HLF: variants seen among roughly 807,000 people sequenced by gnomAD.
HLF encodes HLF transcription factor, PAR bZIP family member.
Under a neutral mutation model 22.6 loss-of-function variants are expected in HLF, and 3 were observed. The observed-to-expected ratio is 0.13, with a 90% confidence interval of 0.06 to 0.34. The LOEUF (loss-of-function observed/expected upper bound fraction) is 0.34, where lower values mean the gene tolerates loss of function less well. Ranked by LOEUF, HLF falls within the 10% of genes least tolerant of loss-of-function variation. HLF has a pLI of 1.00. For missense variants in HLF, 299 were observed against 389.2 expected (o/e 0.77, Z 1.95); for synonymous variants, 151 against 151.8 (o/e 0.99, Z 0.04).
At chr17:55,313,352 G>GT (rs902094405) in intron 2 of HLF, among the ~76,000 whole-genome samples, 2 of 115,574 alleles carry the variant, frequency 1.7e-5, no homozygotes, top group African/African-American at 7.2e-5. Context: ...AGAGGAGGAG[G>GT]TGTGTGCGTG....
intron 2 of HLF, among the ~76,000 whole-genome samples, chr17:55,274,605 A>G (rs1403496167): frequency 1.3e-5 from 2 of 152,244 alleles, no homozygotes; most frequent in Non-Finnish European, 2.9e-5. Flanking sequence ...ACAGAATTGA[A>G]TAAACAAAAC....
intron 2 of HLF, among the ~76,000 whole-genome samples, chr17:55,291,808 C>T (rs946643681): frequency 6.6e-6 from 1 of 152,198 alleles, no homozygotes; most frequent in Non-Finnish European, 1.5e-5. Context: ...CCGTTAAAAA[C>T]ATTCATGATT....
chr17:55,287,467 C>T (rs540149394), intron 2 of HLF, among the ~76,000 whole-genome samples: 110 of 152,156 alleles, frequency 7.2e-4, no homozygotes, highest in Non-Finnish European at 1.4e-3. Context: ...CATAACAACA[C>T]CATAAGGCAT....
intron 2 of HLF, among the ~76,000 whole-genome samples, chr17:55,295,345 C>T (rs1162733035): frequency 2.0e-5 from 3 of 152,140 alleles, no homozygotes; most frequent in African/African-American, 4.8e-5. Flanking sequence ...ACCAGTAATT[C>T]ACAGGAAATG....
Position 55,323,035 on chromosome 17 carries a change from G to T in HLF, c.*2156G>T. On this transcript the variant is annotated 3_prime_UTR_variant, in exon 4 of 4. Transcript: ENST00000226067. ...AGAGTATCTAATCCTTTAATGATCT[G>T]GTGGTCTCCTCGTCAATCCATCAGC... The T allele has an allele frequency of 4.5e-6, 1 of 220,790 alleles. No individual in the cohort carries two copies. The highest frequency in any genetic ancestry group is 9.1e-6 in the Non-Finnish European group (1 of 110,256). The allele number at this position is 220,790 out of a possible 1,614,324, so 13.7% of individuals were successfully genotyped here. A position where few individuals can be genotyped will look rare whatever the true frequency, so the allele number is the denominator to read the frequency against.
intron 2 of HLF, among the ~76,000 whole-genome samples, chr17:55,279,758 A>T (rs1011155679): frequency 2.6e-5 from 4 of 152,168 alleles, no homozygotes; most frequent in Non-Finnish European, 4.4e-5. Context: ...AATTTTTTTC[A>T]TTCTGACATT....
rs147353995 is a variant in HLF, at chr17:55,270,786, G to A, written c.451+2700G>A. ...CGCCATTCTCCTGTCTCAGCCTCCC[G>A]TGTAGCGCCACCACGCCCGGCTAAT... On this transcript the variant is annotated intron_variant, in intron 2 of 3. Transcript: ENST00000226067. Among the ~76,000 whole-genome samples, 964 of 150,704 alleles carry A rather than the reference G, an allele frequency of 6.4e-3. 6 individuals carry two copies. The highest frequency in any genetic ancestry group is 0.017 in the African/African-American group (683 of 40,898).
chr17:55,288,328 A>G (rs377077934), intron 2 of HLF, among the ~76,000 whole-genome samples: 28 of 152,030 alleles, frequency 1.8e-4, no homozygotes, highest in Middle Eastern at 3.4e-3. Context: ...TTGTATTTTT[A>G]GTAGAGAGGG....
intron 2 of HLF, among the ~76,000 whole-genome samples, chr17:55,313,042 T>C (rs1244658023): frequency 6.6e-6 from 1 of 152,180 alleles, no homozygotes; most frequent in Non-Finnish European, 1.5e-5. Context: ...ATTTGCTGTT[T>C]GATACTGGGG....
chr17:55,293,769 C>A (rs1197535865), intron 2 of HLF, among the ~76,000 whole-genome samples: 1 of 152,182 alleles, frequency 6.6e-6, no homozygotes, highest in Non-Finnish European at 1.5e-5. Flanking sequence ...CAATGGGCTG[C>A]TTCTCAGTAG....
rs959821234 is a variant in HLF at position 55,323,654 on chromosome 17, C to T, written c.*2775C>T. On this transcript the variant is annotated 3_prime_UTR_variant, in exon 4 of 4. Coordinates refer to ENST00000226067, the MANE Select transcript of HLF (RefSeq NM_002126.5). ...TTGTCACGATACACACACACGAACA[C>T]TCCCTCTGGACTGGCTGCCTCTCCA... 5 of 229,870 alleles carry T rather than the reference C, an allele frequency of 2.2e-5. No homozygotes were observed. The highest frequency in any genetic ancestry group is 4.3e-5 in the Non-Finnish European group (5 of 115,748). 14.2% of individuals were successfully genotyped at this position (229,870 alleles called of 1,614,324 possible).
At chr17:55,312,003 C>A (rs1031147296) in intron 2 of HLF, among the ~76,000 whole-genome samples, 1 of 152,164 alleles carries the variant, frequency 6.6e-6, no homozygotes, top group African/African-American at 2.4e-5. Context: ...TTATTTGATT[C>A]TTTTTAATGG....
intron 2 of HLF, among the ~76,000 whole-genome samples, chr17:55,271,029 C>T (rs779004884): frequency 6.6e-6 from 1 of 152,144 alleles, no homozygotes; most frequent in Admixed American, 6.5e-5. Context: ...CCCCCAGTGC[C>T]CCAGATGTGA....
intron 2 of HLF, among the ~76,000 whole-genome samples, chr17:55,289,241 A>G (rs1310531889): frequency 6.6e-6 from 1 of 152,182 alleles, no homozygotes; most frequent in Non-Finnish European, 1.5e-5. Flanking sequence ...GCACCAGGCC[A>G]TGAGCAGTTG....
chr17:55,265,276 C>A lies in HLF; in HGVS notation c.-209C>A. 2.1e-6 allele frequency: 1 copy of A among 476,104 alleles called. No homozygotes were observed. The allele number at this position is 476,104 out of a possible 1,614,324, so 29.5% of individuals were successfully genotyped here. The stretch of plus-strand genomic sequence containing the variant: ...TGGCGCGCTCTCCTGGGACCGTCTG[C>A]ACTGGAAACCCGAAAGTTTTTTTTT... On this transcript the variant is annotated 5_prime_UTR_variant, in exon 1 of 4. Transcript: ENST00000226067.
At chr17:55,279,061 C>T (rs923508300) in intron 2 of HLF, among the ~76,000 whole-genome samples, 1 of 152,138 alleles carries the variant, frequency 6.6e-6, no homozygotes, top group Non-Finnish European at 1.5e-5. Context: ...TATTAGTACA[C>T]CTTCCTGGGG....
intron 2 of HLF, among the ~76,000 whole-genome samples, chr17:55,284,607 C>T (rs1040002352): frequency 7.9e-5 from 12 of 152,124 alleles, no homozygotes; most frequent in Admixed American, 5.2e-4. Flanking sequence ...GGGCACTGGG[C>T]GACTGCAGGG....
At chr17:55,311,699 G>A (rs910052982) in intron 2 of HLF, among the ~76,000 whole-genome samples, 1 of 152,026 alleles carries the variant, frequency 6.6e-6, no homozygotes, top group Non-Finnish European at 1.5e-5. Context: ...AGATTCAGTG[G>A]GTACATGTGC....
Position 55,321,098 on chromosome 17 carries a change from T to G in HLF, c.*219T>G, listed in dbSNP as rs17746075. The G allele has an allele frequency of 0.14, 70,665 of 507,918 alleles. 5,662 individuals carry two copies. Among genetic ancestry groups the G allele is most frequent in the Non-Finnish European group, 0.17 (47,061 of 281,892 alleles). The allele number at this position is 507,918 out of a possible 1,614,324, so 31.5% of individuals were successfully genotyped here. A position where few individuals can be genotyped will look rare whatever the true frequency, so the allele number is the denominator to read the frequency against. On this transcript the variant is annotated 3_prime_UTR_variant, in exon 4 of 4. Coordinates refer to ENST00000226067, the MANE Select transcript of HLF (RefSeq NM_002126.5). ...GTGCGTGTGCGTGTTCCTTTGCTCTTGCCATTTTAAGGTAGCCCTCTCATC... is the reference window on the plus strand; with the variant it reads ...GTGCGTGTGCGTGTTCCTTTGCTCTGGCCATTTTAAGGTAGCCCTCTCATC...
Sources: allele counts gnomAD v4.1 joint callset (sites outside exome capture counted in the v4.1 genomes callset), GRCh38; gene constraint gnomAD v4.1.1; transcripts MANE v1.5; gene names NCBI Gene and HGNC (gene_info 2026-07-23, HGNC 2026-07-21).